Variants in CHD7 observed in about 807,000 individuals in gnomAD.
CHD7 encodes chromodomain helicase DNA binding protein 7.
A neutral mutation model predicts 307.3 loss-of-function variants in CHD7; 24 were observed. The observed-to-expected ratio is 0.08, with a 90% CI of 0.06 to 0.11. The LOEUF is 0.11. CHD7 is among the 10% of genes least tolerant of loss of function. The pLI is 1.00. For missense variants in CHD7, 3,106 were observed against 3,727.1 expected, an observed-to-expected ratio of 0.83 and a Z score of 4.34; for synonymous variants, 1,363 against 1,349.9, an observed-to-expected ratio of 1.01 and a Z score of -0.21.
In CHD7 at chr8:60,733,303, T is replaced by C. The variant is rs571542807; in HGVS notation, c.-174-7956T>C. 2.0e-5 allele frequency among the ~76,000 whole-genome samples: 3 copies of C among 152,250 alleles called. No homozygotes were observed. In the East Asian group the frequency reaches 5.8e-4, roughly 29 times the overall value. Reference sequence around the variant, plus strand: ...TGTAGCTACATATGTGATCTACACCTAGGTATGGTATATATAGATACATGT... The same window carrying C: ...TGTAGCTACATATGTGATCTACACCCAGGTATGGTATATATAGATACATGT... On this transcript the variant is annotated intron_variant, in intron 1 of 37. Coordinates refer to ENST00000423902, the MANE Select transcript of CHD7 (RefSeq NM_017780.4).
chr8:60,741,323 A>G lies in CHD7; in HGVS notation c.-110A>G. ...GAGAATTAAAGAAATATGGAATGAC[A>G]TGAAGAAGATTAGTTAAGGATTATA... is the stretch of plus-strand genomic sequence containing the variant. On this transcript the variant is annotated 5_prime_UTR_variant, in exon 2 of 38. An upstream start codon of the reference 5' UTR is lost. Transcript: ENST00000423902. 6 of 766,590 alleles carry G rather than the reference A, an allele frequency of 7.8e-6. No homozygotes were observed. Among genetic ancestry groups the G allele is most frequent in the Non-Finnish European group, 1.3e-5 (6 of 473,150 alleles). 47.5% of individuals were successfully genotyped at this position (766,590 alleles called of 1,614,324 possible).
chr8:60,806,604 C>T (rs563632013), intron 6 of CHD7, among the ~76,000 whole-genome samples: 28 of 152,212 alleles, frequency 1.8e-4, no homozygotes, highest in Admixed American at 4.6e-4. Context: ...ATAGTTATTA[C>T]GTTTCATAGA....
At chr8:60,728,028 T>A (rs369647156) in intron 1 of CHD7, among the ~76,000 whole-genome samples, 13 of 152,360 alleles carry the variant, frequency 8.5e-5, no homozygotes, top group East Asian at 3.9e-4. Context: ...CCTGAACTCC[T>A]GTGTGAGCTC....
intron 1 of CHD7, among the ~76,000 whole-genome samples, chr8:60,721,727 T>C (rs1326685376): frequency 6.6e-6 from 1 of 152,210 alleles, no homozygotes; most frequent in Non-Finnish European, 1.5e-5. Context: ...TGCTGGTCCA[T>C]GTTCGGAGAA....
Position 60,865,301 on chromosome 8 carries a change from G to T in CHD7, c.8362G>T (p.Asp2788Tyr). The part of the protein sequence containing the change: ...GLATAATAGG[D>Y]AKNPAAVLPL... ...GGCAACAGCTGCCACCGCCGGAGGC[G>T]ATGCGAAGAACCCTGCTGCTGTGCT... The change falls in exon 38 of 38, where the codon GAT becomes TAT. Residue 2788 changes from aspartate to tyrosine, a missense_variant. Asp to Tyr is a radical substitution (Grantham distance 160). Coordinates refer to ENST00000423902, the MANE Select transcript of CHD7 (RefSeq NM_017780.4). The surrounding 1 kb of genome is among the most constrained non-coding windows in gnomAD (Gnocchi z 4.3). 1 of 1,610,750 alleles carries T rather than the reference G, an allele frequency of 6.2e-7. No homozygotes were observed. Among genetic ancestry groups the T allele is most frequent in the Non-Finnish European group, 8.5e-7 (1 of 1,178,690 alleles).
chr8:60,705,689 C>G (rs1373166652), intron 1 of CHD7, among the ~76,000 whole-genome samples: 1 of 152,096 alleles, frequency 6.6e-6, no homozygotes, highest in Non-Finnish European at 1.5e-5. Context: ...AGTTTGGTGC[C>G]TGGGCTTTAG....
chr8:60,839,167 A>G (rs1804864057), intron 19 of CHD7, among the ~76,000 whole-genome samples: 1 of 152,246 alleles, frequency 6.6e-6, no homozygotes, highest in Admixed American at 6.5e-5. Context: ...GACAGTGGAC[A>G]GTTCATATAA....
At chr8:60,811,153 A>T (rs1282889215) in intron 7 of CHD7, among the ~76,000 whole-genome samples, 2 of 152,158 alleles carry the variant, frequency 1.3e-5, no homozygotes, top group East Asian at 3.8e-4. Flanking sequence ...TTGGGGCCTC[A>T]TGATTTATTT....
At chr8:60,802,392 G>C (rs1202911100) in intron 6 of CHD7, among the ~76,000 whole-genome samples, 1 of 152,166 alleles carries the variant, frequency 6.6e-6, no homozygotes, top group Non-Finnish European at 1.5e-5. Flanking sequence ...AGTTTTTCGT[G>C]TCTCTAGGAA....
intron 17 of CHD7, among the ~76,000 whole-genome samples, 173 bp from the exon 18 acceptor site, chr8:60,837,495 A>G (rs376721531): frequency 6.6e-6 from 1 of 152,164 alleles, no homozygotes. Context: ...TCGCCTCTTT[A>G]TATGAGCAGT....
At chr8:60,848,658 G>A (rs376903217) in intron 24 of CHD7, 54 bp downstream of exon 24, 40 of 1,357,486 alleles carry the variant, frequency 2.9e-5, no homozygotes, top group Middle Eastern at 1.8e-4. Context: ...CTGGGTAGCC[G>A]GAAAACATCA....
At chr8:60,815,555 A>T (rs1427673837) in intron 7 of CHD7, among the ~76,000 whole-genome samples, 1 of 152,144 alleles carries the variant, frequency 6.6e-6, no homozygotes, top group Non-Finnish European at 1.5e-5. Context: ...AGTGTTGGAG[A>T]AGAAAAGGGA....
At position 60,830,447 on chromosome 8, in the gene CHD7, A is replaced by G. The variant is rs770306548; in HGVS notation, c.3648A>G (p.Lys1216=). 1.2e-6 allele frequency: 2 copies of G among 1,614,016 alleles called. No individual in the cohort carries two copies. Among genetic ancestry groups the G allele is most frequent in the East Asian group, 2.2e-5 (1 of 44,886 alleles). The change falls in exon 15 of 38, where the codon AAA becomes AAG. Residue 1216 remains lysine, a synonymous_variant. Coordinates refer to ENST00000423902, the MANE Select transcript of CHD7 (RefSeq NM_017780.4). The part of the protein sequence containing the change: ...IEVELTNIQK[K]YYRAILEKNF... The stretch of plus-strand genomic sequence containing the variant: ...TTGAGCTAACAAACATTCAGAAGAA[A>G]TATTACCGAGCCATCCTTGAGAAGA...
At position 60,781,152 on chromosome 8, in the gene CHD7, T is replaced by C. The variant is rs1811205430; in HGVS notation, c.1818T>C (p.Ile606=). ...QKKKKKKNNH[I]VAEDPSKGFG... ...AGAAGAAAAAGAAAAACAACCACAT[T>C]GTAGCAGAGGATCCCAGTAAAGGTT... Residue 606 remains isoleucine (I), a synonymous_variant, in exon 3 of 38, where the codon ATT becomes ATC. Coordinates refer to ENST00000423902, the MANE Select transcript of CHD7 (RefSeq NM_017780.4). 6.2e-7 allele frequency: 1 copy of C among 1,608,560 alleles called. No individual in the cohort carries two copies. Among genetic ancestry groups the C allele is most frequent in the African/African-American group, 1.3e-5 (1 of 74,714 alleles).
intron 2 of CHD7, among the ~76,000 whole-genome samples, chr8:60,767,892 C>T (rs1563583546): frequency 6.6e-6 from 1 of 152,166 alleles, no homozygotes; most frequent in African/African-American, 2.4e-5. Flanking sequence ...TATTTTATGA[C>T]ATATATTCAG....
intron 1 of CHD7, chr8:60,679,666 C>T (rs1805480083): frequency 6.8e-6 from 1 of 146,710 alleles, no homozygotes; most frequent in Non-Finnish European, 1.5e-5. Flanking sequence ...CCGCCTCCCG[C>T]CCCCGCCCCC....
At chr8:60,701,345 CTT>C (rs1323160649) in intron 1 of CHD7, among the ~76,000 whole-genome samples, 2 of 152,210 alleles carry the variant, frequency 1.3e-5, no homozygotes, top group African/African-American at 4.8e-5. Context: ...TAATCAGTAT[CTT>C]TATTTGCGGA....
chr8:60,828,468 G>C (rs992607709), intron 13 of CHD7, among the ~76,000 whole-genome samples, 195 bp from the exon 14 acceptor site: 1 of 152,164 alleles, frequency 6.6e-6, no homozygotes, highest in Non-Finnish European at 1.5e-5. Context: ...GTAGAGTTCT[G>C]GAGAGGACTG....
Position 60,742,317 on chromosome 8 carries a change from G to A in CHD7, c.885G>A (p.Arg295=), listed in dbSNP as rs766853484. The change falls in exon 2 of 38, where the codon CGG becomes CGA. Residue 295 remains arginine, a synonymous_variant. Coordinates refer to ENST00000423902, the MANE Select transcript of CHD7 (RefSeq NM_017780.4). ...VRPQTLNFSS[R]SQTVPSPTIN... is the part of the protein sequence containing the mutation. ...CGCAAACCCTTAACTTTAGTTCTCG[G>A]AGCCAGACAGTCCCCTCTCCTACTA... 4.3e-6 allele frequency: 7 copies of A among 1,613,902 alleles called. No homozygotes were observed. The African/African-American group carries it at 9.3e-5, about 22-fold the overall frequency.
Sources: gnomAD v4.1 joint callset for allele counts (sites outside exome capture counted in the v4.1 genomes callset) on GRCh38, gnomAD v4.1.1 for gene constraint, Gnocchi (gnomAD v3.1) non-coding constraint, MANE v1.5 for transcripts, NCBI Gene and HGNC (gene_info 2026-07-23, HGNC 2026-07-21) for gene names.